The following GALNT18 variants were observed in gnomAD, a reference collection of about 807,000 sequenced individuals.
The protein encoded by GALNT18 is polypeptide N-acetylgalactosaminyltransferase 18.
GALNT18 carries 44 observed loss-of-function variants against 69.5 expected under a neutral mutation model. The ratio of observed to expected loss-of-function variants is 0.63; its 90% CI spans 0.50 to 0.81. The LOEUF is 0.81. Among genes scored for constraint, GALNT18 ranks in the 40% least tolerant of loss-of-function variants. The pLI, the probability that GALNT18 is intolerant of heterozygous loss-of-function variation, is 0.00. For synonymous variants in GALNT18, 364 were observed against 318.2 expected, an observed-to-expected ratio of 1.14 and a Z score of -1.53; for missense variants, 715 against 810.0, an observed-to-expected ratio of 0.88 and a Z score of 1.42.
rs537823377 is a variant in GALNT18, at chr11:11,289,459, A to G, written c.1677+3570T>C. Among the ~76,000 whole-genome samples, 3 of 152,138 alleles carry G rather than the reference A, an allele frequency of 2.0e-5. No homozygotes were observed. In the East Asian group the frequency reaches 5.8e-4, roughly 29 times the overall value. Reference sequence around the variant, plus strand: ...ACAGATGCCTGCTTTGTTGACTGCTATGTCTGTTTAAACAGGAATCGTGTG... The same window carrying G: ...ACAGATGCCTGCTTTGTTGACTGCTGTGTCTGTTTAAACAGGAATCGTGTG... On this transcript the variant is annotated intron_variant, in intron 10 of 10. Coordinates refer to ENST00000227756, the MANE Select transcript of GALNT18 (RefSeq NM_198516.3).
chr11:11,369,233 G>A (rs1850840867), intron 6 of GALNT18, among the ~76,000 whole-genome samples: 1 of 152,154 alleles, frequency 6.6e-6, no homozygotes, highest in African/African-American at 2.4e-5. Flanking sequence ...ACCTAAAACA[G>A]CATAAATTTA....
chr11:11,348,521 T>A (rs1366177960), intron 6 of GALNT18, among the ~76,000 whole-genome samples: 1 of 151,040 alleles, frequency 6.6e-6, no homozygotes, highest in African/African-American at 2.4e-5. Flanking sequence ...GGAGATAACC[T>A]CCCTCCAAAA....
intron 10 of GALNT18, among the ~76,000 whole-genome samples, chr11:11,284,906 G>A (rs1053262111): frequency 2.4e-4 from 6 of 24,542 alleles, no homozygotes; most frequent in Admixed American, 4.4e-4. Context: ...AAAGACTTTC[G>A]TGTTTTTTTT....
intron 1 of GALNT18, among the ~76,000 whole-genome samples, chr11:11,477,171 T>C (rs1236499904): frequency 1.3e-5 from 2 of 152,212 alleles, no homozygotes; most frequent in Non-Finnish European, 2.9e-5. Flanking sequence ...AATGGCAGGA[T>C]GAAGGTGGCC....
Position 11,379,239 on chromosome 11 carries a change from T to C in GALNT18, c.621A>G (p.Glu207=). 6.2e-7 allele frequency: 1 copy of C among 1,612,902 alleles called. No homozygotes were observed. The highest frequency in any genetic ancestry group is 8.5e-7 in the Non-Finnish European group (1 of 1,179,828). The change falls in exon 4 of 11, where the codon GAA becomes GAG. Residue 207 remains glutamate (E), a synonymous_variant. Coordinates refer to ENST00000227756, the MANE Select transcript of GALNT18 (RefSeq NM_198516.3). The part of the protein sequence containing the change: ...SNEELKEKLT[E]YVDKVNSQKP... ...TCTGGCTGTTCACCTTGTCCACATA[T>C]TCGGTCAGCTTCTCCTTCAGTTCCT...
intron 2 of GALNT18, among the ~76,000 whole-genome samples, chr11:11,442,731 C>G (rs1275463359): frequency 6.6e-6 from 1 of 151,790 alleles, no homozygotes; most frequent in Non-Finnish European, 1.5e-5. Context: ...ATTATTCCCA[C>G]CTAGGGCTGC....
At chr11:11,458,863 C>T (rs965602404) in intron 1 of GALNT18, among the ~76,000 whole-genome samples, 71 of 152,200 alleles carry the variant, frequency 4.7e-4, no homozygotes, top group African/African-American at 1.6e-3. Context: ...CACTGAGACC[C>T]GTGGAAAGCT....
intron 1 of GALNT18, among the ~76,000 whole-genome samples, chr11:11,609,409 A>G (rs1170662508): frequency 6.6e-6 from 1 of 152,166 alleles, no homozygotes; most frequent in African/African-American, 2.4e-5. Context: ...TTCCTCTAAG[A>G]TACACAAGGC....
intron 3 of GALNT18, among the ~76,000 whole-genome samples, chr11:11,419,533 G>T (rs988805169): frequency 7.0e-6 from 1 of 141,994 alleles, no homozygotes; most frequent in African/African-American, 2.6e-5. Flanking sequence ...GGAGGCAGAG[G>T]TTGCAGTGAG....
chr11:11,565,274 TA>T (rs1193495647), intron 1 of GALNT18, among the ~76,000 whole-genome samples: 2 of 152,202 alleles, frequency 1.3e-5, no homozygotes, highest in Non-Finnish European at 2.9e-5. Context: ...ACCTGCCACA[TA>T]GGGGTGGCTG....
At chr11:11,280,528 C>A (rs139258416) in intron 10 of GALNT18, among the ~76,000 whole-genome samples, 6 of 152,148 alleles carry the variant, frequency 3.9e-5, no homozygotes, top group Non-Finnish European at 8.8e-5. Flanking sequence ...GCTTCCCCAG[C>A]GGCCTGCTGT....
intron 2 of GALNT18, among the ~76,000 whole-genome samples, chr11:11,438,800 G>A (rs1855467630): frequency 6.7e-6 from 1 of 148,262 alleles, no homozygotes; most frequent in Non-Finnish European, 1.5e-5. Flanking sequence ...TGAAGAGGCT[G>A]TATTCTGTCT....
intron 1 of GALNT18, among the ~76,000 whole-genome samples, chr11:11,574,801 A>G (rs750252169): frequency 6.6e-6 from 1 of 152,256 alleles, no homozygotes; most frequent in Non-Finnish European, 1.5e-5. Flanking sequence ...GTATTAGGAA[A>G]GCAAGGACAG....
At position 11,332,977 on chromosome 11, in the gene GALNT18, C is replaced by T. The variant is rs1850046174; in HGVS notation, c.1279-146G>A. 2.5e-6 allele frequency: 2 copies of T among 797,160 alleles called. No homozygotes were observed. Among genetic ancestry groups the T allele is most frequent in the Non-Finnish European group, 4.0e-6 (2 of 499,078 alleles). 49.4% of individuals were successfully genotyped at this position (797,160 alleles called of 1,614,324 possible). A position where few individuals can be genotyped will look rare whatever the true frequency, so the allele number is the denominator to read the frequency against. On this transcript the variant is annotated intron_variant, in intron 7 of 10. Transcript: ENST00000227756. The surrounding 1 kb of genome is among the most constrained non-coding windows in gnomAD (Gnocchi z 4.3). Reference sequence around the variant, plus strand: ...GTGGCACGTTAACTCTTGCATTTTCCCACGGGTACCTTAACCCCGTAACCA... The same window carrying T: ...GTGGCACGTTAACTCTTGCATTTTCTCACGGGTACCTTAACCCCGTAACCA...
chr11:11,308,390 T>C (rs956941788), intron 9 of GALNT18, among the ~76,000 whole-genome samples: 39 of 152,204 alleles, frequency 2.6e-4, no homozygotes, highest in Non-Finnish European at 8.8e-5. Flanking sequence ...TTTCTTATCC[T>C]CACTCCACCC....
chr11:11,328,696 T>A (rs1207323157), intron 8 of GALNT18, among the ~76,000 whole-genome samples: 2 of 152,220 alleles, frequency 1.3e-5, no homozygotes, highest in Non-Finnish European at 2.9e-5. Context: ...CCCAGTAGCA[T>A]TTCTGCAGCA....
intron 1 of GALNT18, among the ~76,000 whole-genome samples, chr11:11,567,686 G>T (rs1430746379): frequency 6.6e-6 from 1 of 152,124 alleles, no homozygotes; most frequent in African/African-American, 2.4e-5. Context: ...TTATGGAGGA[G>T]AAAAATGCAA....
At position 11,382,273 on chromosome 11, in the gene GALNT18, T is replaced by C. The variant is rs1853939643; in HGVS notation, c.596-3009A>G. ...AGAAACAAAATGCCTTGAAGTACCCTAGATGATACTGGCTCTGTCTTTGCA... is the reference window on the plus strand; with the variant it reads ...AGAAACAAAATGCCTTGAAGTACCCCAGATGATACTGGCTCTGTCTTTGCA... On this transcript the variant is annotated intron_variant, in intron 3 of 10. Transcript: ENST00000227756. The surrounding 1 kb of genome is among the most constrained non-coding windows in gnomAD (Gnocchi z 4.3). Among the ~76,000 whole-genome samples, 1 of 152,236 alleles carries C rather than the reference T, an allele frequency of 6.6e-6. No individual in the cohort carries two copies. The highest frequency in any genetic ancestry group is 2.4e-5 in the African/African-American group (1 of 41,458).
At chr11:11,398,514 C>T (rs957997892) in intron 3 of GALNT18, among the ~76,000 whole-genome samples, 2 of 152,216 alleles carry the variant, frequency 1.3e-5, no homozygotes, top group African/African-American at 4.8e-5. Flanking sequence ...TGGTAAGTCA[C>T]CAGCTCATAA....
Sources: gnomAD v4.1 joint callset for allele counts (sites outside exome capture counted in the v4.1 genomes callset) on GRCh38, gnomAD v4.1.1 for gene constraint, Gnocchi (gnomAD v3.1) non-coding constraint, MANE v1.5 for transcripts, NCBI Gene and HGNC (gene_info 2026-07-23, HGNC 2026-07-21) for gene names.